Variants in NTNG1 observed in about 807,000 individuals in gnomAD.
NTNG1 encodes the protein netrin-G1.
NTNG1 carries 16 observed loss-of-function variants against 54.0 expected under a neutral mutation model. That is an observed-to-expected ratio of 0.30 (90% CI 0.20 to 0.45). The LOEUF (loss-of-function observed/expected upper bound fraction) is 0.45, where lower values mean the gene tolerates loss of function less well. Among genes scored for constraint, NTNG1 ranks in the 20% least tolerant of loss-of-function variants. The pLI, the probability that NTNG1 is intolerant of heterozygous loss-of-function variation, is 1.00. For synonymous variants in NTNG1, 255 were observed against 263.1 expected (o/e 0.97, Z 0.30); for missense variants, 530 against 678.7 (o/e 0.78, Z 2.43).
intron 5 of NTNG1, chr1:107,418,477 G>C: frequency 1.5e-6 from 1 of 675,296 alleles, no homozygotes; most frequent in Non-Finnish European, 2.4e-6. Context: ...CCAAGTTAAA[G>C]AGCAGATGTG....
chr1:107,404,664 A>C (rs1673288527), intron 4 of NTNG1, among the ~76,000 whole-genome samples: 2 of 151,098 alleles, frequency 1.3e-5, no homozygotes, highest in Admixed American at 6.6e-5. Flanking sequence ...CAAGACATGG[A>C]ACTTGTGCCC....
chr1:107,464,303 T>C (rs1206978980), intron 7 of NTNG1, among the ~76,000 whole-genome samples: 1 of 152,174 alleles, frequency 6.6e-6, no homozygotes, highest in African/African-American at 2.4e-5. Context: ...AGATGGATAA[T>C]CAGTCACATC....
At chr1:107,200,409 T>C (rs1364578081) in intron 2 of NTNG1, among the ~76,000 whole-genome samples, 1 of 151,830 alleles carries the variant, frequency 6.6e-6, no homozygotes, top group African/African-American at 2.4e-5. Context: ...ACTTAAACAG[T>C]CTGTGTTCTC....
chr1:107,237,164 T>A (rs1030775217), intron 2 of NTNG1, among the ~76,000 whole-genome samples: 48 of 152,144 alleles, frequency 3.2e-4, no homozygotes, highest in African/African-American at 1.1e-3. Context: ...TAGATGGAGA[T>A]GAGGAACTTG....
intron 3 of NTNG1, among the ~76,000 whole-genome samples, chr1:107,368,970 C>A (rs927356976): frequency 6.6e-6 from 1 of 152,124 alleles, no homozygotes; most frequent in South Asian, 2.1e-4. Flanking sequence ...TTTCTTCGTG[C>A]CCCAGATCAA....
chr1:107,394,983 C>T (rs576771708), intron 3 of NTNG1, among the ~76,000 whole-genome samples, 171 bp from the exon 4 acceptor site: 4 of 152,182 alleles, frequency 2.6e-5, no homozygotes, highest in South Asian at 2.1e-4. Context: ...CCCCTGCAAA[C>T]GGCTCTTTTG....
chr1:107,425,882 G>A (rs142279227), intron 5 of NTNG1, among the ~76,000 whole-genome samples: 5 of 152,228 alleles, frequency 3.3e-5, no homozygotes, highest in African/African-American at 1.2e-4. Flanking sequence ...TTTGACTGGT[G>A]TAAGATGGCA....
intron 3 of NTNG1, among the ~76,000 whole-genome samples, chr1:107,353,712 A>G (rs1669768675): frequency 6.6e-6 from 1 of 152,122 alleles, no homozygotes; most frequent in African/African-American, 2.4e-5. Context: ...GTGTTAGTTT[A>G]TTCTTGCACT....
At chr1:107,237,486 C>T (rs892184704) in intron 2 of NTNG1, among the ~76,000 whole-genome samples, 12 of 152,134 alleles carry the variant, frequency 7.9e-5, no homozygotes, top group African/African-American at 2.4e-5. Flanking sequence ...TAATGAGGAT[C>T]CAAATGTTAA....
At chr1:107,475,872 C>T (rs1159712791) in intron 7 of NTNG1, among the ~76,000 whole-genome samples, 1 of 152,028 alleles carries the variant, frequency 6.6e-6, no homozygotes, top group Non-Finnish European at 1.5e-5. Context: ...CCACTTGTGA[C>T]AACCAAAAAA....
chr1:107,386,864 A>G (rs1672032938), intron 3 of NTNG1, among the ~76,000 whole-genome samples: 1 of 152,204 alleles, frequency 6.6e-6, no homozygotes, highest in Non-Finnish European at 1.5e-5. Flanking sequence ...TATACTCCCA[A>G]TAGCAATCTC....
At chr1:107,212,395 T>C (rs928109727) in intron 2 of NTNG1, among the ~76,000 whole-genome samples, 1 of 152,102 alleles carries the variant, frequency 6.6e-6, no homozygotes, top group Admixed American at 6.6e-5. Context: ...TAATAACCCA[T>C]TTGAAATGAC....
At chr1:107,434,385 T>C (rs1409109499) in intron 6 of NTNG1, among the ~76,000 whole-genome samples, 2 of 152,212 alleles carry the variant, frequency 1.3e-5, no homozygotes, top group Admixed American at 6.5e-5. Flanking sequence ...CAAAGATACA[T>C]GTAATTACCC....
At chr1:107,401,412 C>T (rs187676291) in intron 4 of NTNG1, among the ~76,000 whole-genome samples, 24 of 152,202 alleles carry the variant, frequency 1.6e-4, no homozygotes, top group Admixed American at 1.2e-3. Context: ...CTCATCTGAC[C>T]AGATATGATT....
chr1:107,309,779 A>G (rs532004565), intron 2 of NTNG1, among the ~76,000 whole-genome samples: 1 of 152,264 alleles, frequency 6.6e-6, no homozygotes, highest in South Asian at 2.1e-4. Context: ...CAGCTCTCCA[A>G]TTAATCAAAC....
At chr1:107,444,745 A>C (rs1469728708) in intron 7 of NTNG1, among the ~76,000 whole-genome samples, 1 of 152,186 alleles carries the variant, frequency 6.6e-6, no homozygotes, top group African/African-American at 2.4e-5. Context: ...GGTGTATGAA[A>C]TGCTGGTGCT....
chr1:107,462,107 A>G (rs1417177653), intron 7 of NTNG1, among the ~76,000 whole-genome samples: 1 of 152,110 alleles, frequency 6.6e-6, no homozygotes, highest in African/African-American at 2.4e-5. Context: ...AAAGTGTTAA[A>G]TCTAAATTTT....
chr1:107,254,502 G>C (rs1662808762), intron 2 of NTNG1, among the ~76,000 whole-genome samples: 1 of 152,168 alleles, frequency 6.6e-6, no homozygotes, highest in African/African-American at 2.4e-5. Context: ...AGAGCTCCCC[G>C]GGCTCCTTCT....
At chr1:107,463,483 T>C (rs1464841342) in intron 7 of NTNG1, among the ~76,000 whole-genome samples, 3 of 152,168 alleles carry the variant, frequency 2.0e-5, no homozygotes, top group Non-Finnish European at 4.4e-5. Context: ...ATCTTATTAG[T>C]TATGTAATGC....
Sources: allele counts gnomAD v4.1 joint callset (sites outside exome capture counted in the v4.1 genomes callset), GRCh38; gene constraint gnomAD v4.1.1; transcripts MANE v1.5; gene names NCBI Gene and HGNC (gene_info 2026-07-23, HGNC 2026-07-21).